RIN3: variants seen among roughly 807,000 people sequenced by gnomAD.
The protein encoded by RIN3 is RAB5 interacting protein 3.
A neutral mutation model predicts 76.3 loss-of-function variants in RIN3; 54 were observed. The observed-to-expected ratio is 0.71, with a 90% CI of 0.57 to 0.89. RIN3 has a LOEUF of 0.89. Ranked by LOEUF, RIN3 falls within the 40% of genes least tolerant of loss-of-function variation. RIN3 has a pLI of 0.00. For missense variants in RIN3, 1,256 were observed against 1,322.1 expected, an observed-to-expected ratio of 0.95 and a Z score of 0.78; for synonymous variants, 576 against 564.0, an observed-to-expected ratio of 1.02 and a Z score of -0.30.
At chr14:92,542,124 A>G (rs1265171671) in intron 1 of RIN3, among the ~76,000 whole-genome samples, 1 of 152,152 alleles carries the variant, frequency 6.6e-6, no homozygotes, top group Non-Finnish European at 1.5e-5. Context: ...CCCTGTCTGT[A>G]CAAAAAATAA....
chr14:92,622,862 A>G (rs1036312637), intron 4 of RIN3, among the ~76,000 whole-genome samples: 1 of 152,258 alleles, frequency 6.6e-6, no homozygotes, highest in African/African-American at 2.4e-5. Flanking sequence ...TTTGTGGTCA[A>G]CAACAATTTC....
intron 1 of RIN3, among the ~76,000 whole-genome samples, chr14:92,519,977 C>T (rs11622738): frequency 0.41 from 62,882 of 152,126 alleles, 15,230 homozygotes; most frequent in Middle Eastern, 0.63. Context: ...TCTGTGCAGC[C>T]TTGGCATGTT....
Position 92,643,725 on chromosome 14 carries a change from C to T in RIN3, c.532+2396C>T, listed in dbSNP as rs1017542309. The stretch of plus-strand genomic sequence containing the variant: ...GGCAGATAACCTGAAGTCAGGAGTT[C>T]AAGACCAGCCTGGCCAATATGGTGA... On this transcript the variant is annotated intron_variant, in intron 5 of 9. Transcript: ENST00000216487. The surrounding 1 kb of genome is among the most constrained non-coding windows in gnomAD (Gnocchi z 4.8). 2.6e-5 allele frequency among the ~76,000 whole-genome samples: 4 copies of T among 152,116 alleles called. No homozygotes were observed. The highest frequency in any genetic ancestry group is 5.9e-5 in the Non-Finnish European group (4 of 68,008).
chr14:92,604,965 G>A (rs974535028), intron 3 of RIN3, among the ~76,000 whole-genome samples: 2 of 115,862 alleles, frequency 1.7e-5, no homozygotes, highest in African/African-American at 6.8e-5. Flanking sequence ...GTCTCCCTCT[G>A]TCACGCAGGC....
At chr14:92,599,667 G>A (rs1566861462) in intron 3 of RIN3, among the ~76,000 whole-genome samples, 1 of 152,162 alleles carries the variant, frequency 6.6e-6, no homozygotes, top group Admixed American at 6.5e-5. Context: ...TGGAGGGAAG[G>A]AAGAGTGCAA....
chr14:92,525,394 C>T (rs1169124448), intron 1 of RIN3, among the ~76,000 whole-genome samples: 1 of 151,984 alleles, frequency 6.6e-6, no homozygotes. Flanking sequence ...CCATAAAGGG[C>T]ACAGAATGCT....
intron 2 of RIN3, among the ~76,000 whole-genome samples, chr14:92,569,839 A>G (rs563087251): frequency 6.6e-6 from 1 of 152,244 alleles, no homozygotes; most frequent in African/African-American, 2.4e-5. Context: ...GTAAAAATAT[A>G]TATGTTGTAC....
Position 92,641,274 on chromosome 14 carries a change from C to A in RIN3, c.477C>A (p.Ala159=), listed in dbSNP as rs1436079609. 1 of 1,614,066 alleles carries A rather than the reference C, an allele frequency of 6.2e-7. No homozygotes were observed. Among genetic ancestry groups the A allele is most frequent in the African/African-American group, 1.3e-5 (1 of 74,944 alleles). Residue 159 remains alanine (A), a synonymous_variant, in exon 5 of 10, where the codon GCC becomes GCA. Coordinates refer to ENST00000216487, the MANE Select transcript of RIN3 (RefSeq NM_024832.5). ...LLPFTLRLPQ[A]ILEASSFTDL... ...CCTTCACACTGCGGCTACCCCAGGC[C>A]ATCCTTGAGGCCAGCAGCTTCACGG...
At chr14:92,562,279 G>A (rs1897798259) in intron 2 of RIN3, among the ~76,000 whole-genome samples, 1 of 152,190 alleles carries the variant, frequency 6.6e-6, no homozygotes, top group African/African-American at 2.4e-5. Flanking sequence ...AACCACTGGT[G>A]ATGTTGACCT....
At chr14:92,531,511 C>T (rs146408677) in intron 1 of RIN3, among the ~76,000 whole-genome samples, 2 of 152,320 alleles carry the variant, frequency 1.3e-5, no homozygotes, top group East Asian at 3.9e-4. Context: ...GCGGAATCCA[C>T]TTGGCTTTGC....
intron 6 of RIN3, among the ~76,000 whole-genome samples, chr14:92,655,149 A>T (rs1388527704): frequency 6.6e-6 from 1 of 152,094 alleles, no homozygotes; most frequent in African/African-American, 2.4e-5. Flanking sequence ...TGGGCAACAG[A>T]GTGAGACTTT....
At chr14:92,662,435 G>A (rs916464298) in intron 7 of RIN3, among the ~76,000 whole-genome samples, 2 of 152,252 alleles carry the variant, frequency 1.3e-5, no homozygotes, top group South Asian at 2.1e-4. Flanking sequence ...CGGCTCTGCC[G>A]CTTCTCGGCT....
rs899037285 is a variant in RIN3, at chr14:92,568,750, C to T, written c.250-8610C>T. ...TCCAGCCTCCTCTGCCCCAGGCCAG[C>T]GCCTTATCATGGTTTTTAGTCAGAA... On this transcript the variant is annotated intron_variant, in intron 2 of 9. Transcript: ENST00000216487. This position sits in a 1 kb window ranked among gnomAD's most constrained non-coding sequence, Gnocchi z 4.2. Among the ~76,000 whole-genome samples, 5 of 152,348 alleles carry T rather than the reference C, an allele frequency of 3.3e-5. No individual in the cohort carries two copies. The highest frequency in any genetic ancestry group is 9.6e-5 in the African/African-American group (4 of 41,572).
intron 1 of RIN3, among the ~76,000 whole-genome samples, chr14:92,520,067 C>A (rs1896553274): frequency 6.6e-6 from 1 of 152,238 alleles, no homozygotes; most frequent in African/African-American, 2.4e-5. Context: ...TTGAACATGG[C>A]TGCAGAACCC....
chr14:92,688,727 G>T lies in RIN3; in HGVS notation c.*475G>T, dbSNP rs1888975786. On this transcript the variant is annotated 3_prime_UTR_variant, in exon 10 of 10. Coordinates refer to ENST00000216487, the MANE Select transcript of RIN3 (RefSeq NM_024832.5). ...ACCCAGCATCTCAGGAGCACCTCAG[G>T]GTGTCGGTTAAGAGACAGGCCTCCA... 6.2e-6 allele frequency: 1 copy of T among 161,174 alleles called. No homozygotes were observed. Among genetic ancestry groups the T allele is most frequent in the Non-Finnish European group, 1.3e-5 (1 of 74,082 alleles). 10.0% of individuals were successfully genotyped at this position (161,174 alleles called of 1,614,324 possible). A position where few individuals can be genotyped will look rare whatever the true frequency, so the allele number is the denominator to read the frequency against.
rs1002688386 is a variant in RIN3, at chr14:92,531,642, G to C, written c.44+17666G>C. On this transcript the variant is annotated intron_variant, in intron 1 of 9. Coordinates refer to ENST00000216487, the MANE Select transcript of RIN3 (RefSeq NM_024832.5). Reference sequence around the variant, plus strand: ...GGAAATGTGGTCACAGCAACTGTTAGGTGGGTTGCAGGGTGACTCAGTGTC... The same window carrying C: ...GGAAATGTGGTCACAGCAACTGTTACGTGGGTTGCAGGGTGACTCAGTGTC... 3.9e-5 allele frequency among the ~76,000 whole-genome samples: 6 copies of C among 152,208 alleles called. No individual in the cohort carries two copies. In the South Asian group the frequency reaches 1.2e-3, roughly 31 times the overall value.
At chr14:92,531,545 G>A (rs1036660085) in intron 1 of RIN3, among the ~76,000 whole-genome samples, 3 of 152,302 alleles carry the variant, frequency 2.0e-5, no homozygotes, top group Middle Eastern at 3.4e-3. Flanking sequence ...CCTGGCAGGC[G>A]GCCCCTGTCA....
chr14:92,529,693 C>T (rs1201531292), intron 1 of RIN3, among the ~76,000 whole-genome samples: 1 of 152,166 alleles, frequency 6.6e-6, no homozygotes, highest in Non-Finnish European at 1.5e-5. Context: ...GTGTCCTTGT[C>T]GAGGTCGATT....
intron 1 of RIN3, among the ~76,000 whole-genome samples, chr14:92,553,512 A>C (rs1566839663): frequency 6.6e-6 from 1 of 151,988 alleles, no homozygotes; most frequent in Non-Finnish European, 1.5e-5. Context: ...CCTCAATTCC[A>C]CAGCCTGTGG....
Sources: allele counts gnomAD v4.1 joint callset (sites outside exome capture counted in the v4.1 genomes callset), GRCh38; gene constraint gnomAD v4.1.1; non-coding constraint Gnocchi (gnomAD v3.1); transcripts MANE v1.5; gene names NCBI Gene and HGNC (gene_info 2026-07-23, HGNC 2026-07-21).